The following STAT4 variants were observed in gnomAD, a reference collection of about 807,000 sequenced individuals.
STAT4 encodes signal transducer and activator of transcription 4.
STAT4 carries 42 observed loss-of-function variants against 110.5 expected under a neutral mutation model. The ratio of observed to expected loss-of-function variants is 0.38; its 90% confidence interval spans 0.30 to 0.49. The LOEUF (loss-of-function observed/expected upper bound fraction) is 0.49, where lower values mean the gene tolerates loss of function less well. Among genes scored for constraint, STAT4 ranks in the 20% least tolerant of loss-of-function variants. The pLI is 0.95. For synonymous variants in STAT4, 284 were observed against 302.2 expected, an observed-to-expected ratio of 0.94 and a Z score of 0.63; for missense variants, 632 against 887.9, an observed-to-expected ratio of 0.71 and a Z score of 3.66.
In STAT4 at chr2:191,140,996, C is replaced by A. The variant is rs1699306167; in HGVS notation, c.273+5617G>T. On this transcript the variant is annotated intron_variant, in intron 3 of 23. Coordinates refer to ENST00000392320, the MANE Select transcript of STAT4 (RefSeq NM_003151.4). The surrounding 1 kb of genome is among the most constrained non-coding windows in gnomAD (Gnocchi z 4.4). ...GTGAAGTAACTCATAAATGGAAAAC[C>A]AAATATCATATGTTCTCACAAGTGG... 1.3e-5 allele frequency among the ~76,000 whole-genome samples: 2 copies of A among 151,822 alleles called. No homozygotes were observed. Among genetic ancestry groups the A allele is most frequent in the African/African-American group, 4.8e-5 (2 of 41,286 alleles).
rs1428041336 is a variant in STAT4, at chr2:191,030,347, G to C, written c.2221-481C>G. On this transcript the variant is annotated intron_variant, in intron 23 of 23. Coordinates refer to ENST00000392320, the MANE Select transcript of STAT4 (RefSeq NM_003151.4). This position sits in a 1 kb window ranked among gnomAD's most constrained non-coding sequence, Gnocchi z 4.4. ...TCACTTTCATGTAAATTGGGGGTTTGAACCCATTGACAGTATTGGTGGATA... is the reference window on the plus strand; with the variant it reads ...TCACTTTCATGTAAATTGGGGGTTTCAACCCATTGACAGTATTGGTGGATA... Among the ~76,000 whole-genome samples, 3 of 152,156 alleles carry C rather than the reference G, an allele frequency of 2.0e-5. No homozygotes were observed. The highest frequency in any genetic ancestry group is 4.1e-4 in the South Asian group (2 of 4,830).
rs993170412 is a variant in STAT4 at position 191,066,232 on chromosome 2, G to C, written c.630+198C>G. Among the ~76,000 whole-genome samples the C allele has an allele frequency of 3.3e-5, 5 of 152,102 alleles. No homozygotes were observed. Among genetic ancestry groups the C allele is most frequent in the African/African-American group, 4.8e-5 (2 of 41,400 alleles). On this transcript the variant is annotated intron_variant, in intron 7 of 23. Transcript: ENST00000392320. The surrounding 1 kb of genome is among the most constrained non-coding windows in gnomAD (Gnocchi z 4.3). Reference sequence around the variant, plus strand: ...TGTATCACATAAGCAAGATAAATAGGCTCTAAAGGGGTCCAGCATTGTAAA... The same window carrying C: ...TGTATCACATAAGCAAGATAAATAGCCTCTAAAGGGGTCCAGCATTGTAAA...
At chr2:191,120,117 T>A (rs1405892470) in intron 3 of STAT4, among the ~76,000 whole-genome samples, 4 of 152,086 alleles carry the variant, frequency 2.6e-5, no homozygotes, top group African/African-American at 9.7e-5. Context: ...TAAAAGAATG[T>A]TATGATCTAA....
chr2:191,064,508 T>C (rs1346967475), intron 8 of STAT4, among the ~76,000 whole-genome samples: 1 of 152,250 alleles, frequency 6.6e-6, no homozygotes, highest in Non-Finnish European at 1.5e-5. Flanking sequence ...TGCTTCTTTA[T>C]TCTGTCCTTA....
At position 191,146,923 on chromosome 2, in the gene STAT4, T is replaced by G. The variant is rs566781921; in HGVS notation, c.129-166A>C. ...AAGAGATGCTCAACATCACTAATCA[T>G]TAGGGAATTTCAAGTGAAAATCAGA... On this transcript the variant is annotated intron_variant, in intron 2 of 23. Transcript: ENST00000392320. This position sits in a 1 kb window ranked among gnomAD's most constrained non-coding sequence, Gnocchi z 4.5. Among the ~76,000 whole-genome samples, 1 of 152,192 alleles carries G rather than the reference T, an allele frequency of 6.6e-6. No individual in the cohort carries two copies. The highest frequency in any genetic ancestry group is 1.5e-5 in the Non-Finnish European group (1 of 68,022).
intron 7 of STAT4, among the ~76,000 whole-genome samples, chr2:191,065,443 T>C (rs1358579061): frequency 6.6e-6 from 1 of 152,172 alleles, no homozygotes; most frequent in African/African-American, 2.4e-5. Context: ...GGTTAGAAGA[T>C]ATGAATTTCT....
intron 3 of STAT4, among the ~76,000 whole-genome samples, chr2:191,078,163 T>C (rs774568131): frequency 6.6e-6 from 1 of 152,138 alleles, no homozygotes; most frequent in South Asian, 2.1e-4. Context: ...ACTTGAAAAC[T>C]CTTGCCATCC....
At chr2:191,126,186 A>G (rs1351036154) in intron 3 of STAT4, among the ~76,000 whole-genome samples, 3 of 152,222 alleles carry the variant, frequency 2.0e-5, no homozygotes, top group Non-Finnish European at 4.4e-5. Context: ...GCTTTTGCTT[A>G]TTAAACCTAC....
Position 191,059,362 on chromosome 2 carries a change from T to A in STAT4, c.1035-593A>T, listed in dbSNP as rs1696787792. ...CAGTATAAAAATTCCTTTAATTCCT[T>A]CTGGTGTCAGCCCATCCTTTATTCT... On this transcript the variant is annotated intron_variant, in intron 10 of 23. Transcript: ENST00000392320. This position sits in a 1 kb window ranked among gnomAD's most constrained non-coding sequence, Gnocchi z 4.7. Among the ~76,000 whole-genome samples the A allele has an allele frequency of 6.6e-6, 1 of 152,218 alleles. No homozygotes were observed. Among genetic ancestry groups the A allele is most frequent in the African/African-American group, 2.4e-5 (1 of 41,436 alleles).
In STAT4 at chr2:191,064,857, G is replaced by C. The variant is rs557179689; in HGVS notation, c.732C>G (p.Ile244Met). 2 of 1,613,470 alleles carry C rather than the reference G, an allele frequency of 1.2e-6. No individual in the cohort carries two copies. Among genetic ancestry groups the C allele is most frequent in the Non-Finnish European group, 8.5e-7 (1 of 1,179,698 alleles). Residue 244 changes from isoleucine (I) to methionine (M), a missense_variant, in exon 8 of 24, where the codon ATC (isoleucine) becomes ATG (methionine). Ile to Met is a conservative substitution (Grantham distance 10). Transcript: ENST00000392320. Reference sequence around the variant, plus strand: ...TGTGGAGTGGACCCCCGATGCAGGCGATTTGCTGCCGCCGCTTCCAGTCTT... The same window carrying C: ...TGTGGAGTGGACCCCCGATGCAGGCCATTTGCTGCCGCCGCTTCCAGTCTT... ...ELQDWKRRQQ[I>M]ACIGGPLHNG...
rs796384292 is a variant in STAT4 at position 191,140,118 on chromosome 2, T to A, written c.273+6495A>T. ...ACTCAACATGGATCAAAGATTTAAATCTAAGACCTGAAGCCATAAAAATTC... is the reference window on the plus strand; with the variant it reads ...ACTCAACATGGATCAAAGATTTAAAACTAAGACCTGAAGCCATAAAAATTC... On this transcript the variant is annotated intron_variant, in intron 3 of 23. Coordinates refer to ENST00000392320, the MANE Select transcript of STAT4 (RefSeq NM_003151.4). This position sits in a 1 kb window ranked among gnomAD's most constrained non-coding sequence, Gnocchi z 4.4. 2.0e-5 allele frequency among the ~76,000 whole-genome samples: 3 copies of A among 152,174 alleles called. No individual in the cohort carries two copies. The highest frequency in any genetic ancestry group is 7.2e-5 in the African/African-American group (3 of 41,438).
Position 191,031,638 on chromosome 2 carries a change from CG to C in STAT4, c.2045-123del. On this transcript the variant is annotated intron_variant, in intron 21 of 23. Transcript: ENST00000392320. The surrounding 1 kb of genome is among the most constrained non-coding windows in gnomAD (Gnocchi z 4.8). ...GAGGAAGAGAGATAACGCAGTTGTT[CG>C]GTGATACACAGAAATGTTTTGTTAA... The C allele has an allele frequency of 1.4e-6, 1 of 721,070 alleles. No individual in the cohort carries two copies. Among genetic ancestry groups the C allele is most frequent in the Non-Finnish European group, 2.3e-6 (1 of 432,714 alleles). 44.7% of individuals were successfully genotyped at this position (721,070 alleles called of 1,614,324 possible).
rs111321026 is a variant in STAT4 at position 191,116,433 on chromosome 2, A to G, written c.273+30180T>C. Among the ~76,000 whole-genome samples, 3 of 152,370 alleles carry G rather than the reference A, an allele frequency of 2.0e-5. No individual in the cohort carries two copies. Among genetic ancestry groups the G allele is most frequent in the African/African-American group, 7.2e-5 (3 of 41,588 alleles). On this transcript the variant is annotated intron_variant, in intron 3 of 23. Transcript: ENST00000392320. The surrounding 1 kb of genome is among the most constrained non-coding windows in gnomAD (Gnocchi z 4.1). ...AGCCCAAGGAAAGTTGAGAAATGCTAATTCAAGTTAGAAAGAAATACCCGA... is the reference window on the plus strand; with the variant it reads ...AGCCCAAGGAAAGTTGAGAAATGCTGATTCAAGTTAGAAAGAAATACCCGA...
chr2:191,062,885 C>T lies in STAT4; in HGVS notation c.818G>A (p.Arg273Lys), dbSNP rs778762924. Residue 273 changes from arginine (R) to lysine (K), a missense_variant, in exon 9 of 24, where the codon AGA (arginine) becomes AAA (lysine). Arg to Lys is a conservative substitution (Grantham distance 26). This residue lies in a region of STAT4 where 488 missense variants were observed against 632.8 expected (regional missense o/e 0.77). Transcript: ENST00000392320. The surrounding 1 kb of genome is among the most constrained non-coding windows in gnomAD (Gnocchi z 4.9). ...CTCCTCTAGTTTCTCCAATTGCCTTCTCAGTTGGAAAAGACTTTCTGCCAA... is the reference window on the plus strand; with the variant it reads ...CTCCTCTAGTTTCTCCAATTGCCTTTTCAGTTGGAAAAGACTTTCTGCCAA... ...TLLAESLFQL[R>K]RQLEKLEEQS... The T allele has an allele frequency of 6.2e-7, 1 of 1,613,790 alleles. No individual in the cohort carries two copies. The highest frequency in any genetic ancestry group is 8.5e-7 in the Non-Finnish European group (1 of 1,179,862).
At chr2:191,055,647 C>T (rs1183852044) in intron 13 of STAT4, among the ~76,000 whole-genome samples, 4 of 152,060 alleles carry the variant, frequency 2.6e-5, no homozygotes, top group Non-Finnish European at 4.4e-5. Context: ...GCCACCACGC[C>T]CAGCTGATTT....
intron 3 of STAT4, among the ~76,000 whole-genome samples, chr2:191,127,312 C>T (rs1195666458): frequency 6.6e-6 from 1 of 152,142 alleles, no homozygotes; most frequent in Non-Finnish European, 1.5e-5. Context: ...GCTTAAAGTG[C>T]CTCGCTTGTT....
In STAT4 at chr2:191,036,333, A is replaced by T. The variant is rs763526368; in HGVS notation, c.1435-34T>A. The T allele has an allele frequency of 3.7e-5, 60 of 1,610,842 alleles. 1 individual carries two copies. The South Asian group carries it at 6.1e-4, about 16-fold the overall frequency. ...GAGTCAAGATGATAATTTGTTAATT[A>T]TCTTACAGTGGGTAGCTAGTGAGGT... On this transcript the variant is annotated intron_variant, in intron 16 of 23. Coordinates refer to ENST00000392320, the MANE Select transcript of STAT4 (RefSeq NM_003151.4).
At chr2:191,078,382 C>T (rs893870172) in intron 3 of STAT4, among the ~76,000 whole-genome samples, 1 of 152,136 alleles carries the variant, frequency 6.6e-6, no homozygotes, top group East Asian at 1.9e-4. Flanking sequence ...CAGTTTCCCC[C>T]ATACTTTGTA....
At chr2:191,088,197 A>C (rs1001066157) in intron 3 of STAT4, among the ~76,000 whole-genome samples, 1 of 152,210 alleles carries the variant, frequency 6.6e-6, no homozygotes, top group Non-Finnish European at 1.5e-5. Context: ...AGCCTCCTGG[A>C]ACTAATAAGC....
Sources: allele counts gnomAD v4.1 joint callset (sites outside exome capture counted in the v4.1 genomes callset), GRCh38; gene constraint gnomAD v4.1.1; regional missense constraint gnomAD v4.1.1; non-coding constraint Gnocchi (gnomAD v3.1); transcripts MANE v1.5; gene names NCBI Gene and HGNC (gene_info 2026-07-23, HGNC 2026-07-21).